The following ITIH1 variants were observed in gnomAD, a reference collection of about 807,000 sequenced individuals.
The protein encoded by ITIH1 is inter-alpha-trypsin inhibitor heavy chain H1.
Under a neutral mutation model 104.6 loss-of-function variants are expected in ITIH1, and 94 were observed. The observed-to-expected ratio is 0.90, with a 90% CI of 0.76 to 1.07. ITIH1 has a LOEUF of 1.07. Ranked by LOEUF, ITIH1 falls within the 50% of genes least tolerant of loss-of-function variation. The pLI is 0.00. For synonymous variants in ITIH1, 455 were observed against 464.4 expected (o/e 0.98, Z 0.26); for missense variants, 1,193 against 1,181.4 (o/e 1.01, Z -0.14).
Position 52,786,430 on chromosome 3 carries a change from A to C in ITIH1, c.1729A>C (p.Lys577Gln). ...AYLTIQELLA[K>Q]RMKVDREERA... is the part of the protein sequence containing the mutation. ...CCTCACCATCCAGGAGCTGCTGGCC[A>C]AGCGGTAGGGCACCTGCAGCTGCCC... The change falls in exon 13 of 22, where the codon AAG becomes CAG. Residue 577 changes from lysine (K) to glutamine (Q), a missense_variant. Coordinates refer to ENST00000273283, the MANE Select transcript of ITIH1 (RefSeq NM_002215.4). 1 of 1,579,712 alleles carries C rather than the reference A, an allele frequency of 6.3e-7. No homozygotes were observed. The highest frequency in any genetic ancestry group is 8.6e-7 in the Non-Finnish European group (1 of 1,162,676).
Position 52,788,056 on chromosome 3 carries a change from A to T in ITIH1, c.1995A>T (p.Arg665=). Residue 665 remains arginine, a synonymous_variant, in exon 17 of 22, where the codon CGA becomes CGT. Coordinates refer to ENST00000273283, the MANE Select transcript of ITIH1 (RefSeq NM_002215.4). ...SSSNTQRLPD[R]VTGVDTDPHF... is the part of the protein sequence containing the mutation. ...CCAATACCCAGCGGCTGCCAGACCG[A>T]GTGACCGGCGGTGAGTCCTTGGAAG... 6.2e-7 allele frequency: 1 copy of T among 1,606,514 alleles called. No homozygotes were observed. The highest frequency in any genetic ancestry group is 8.5e-7 in the Non-Finnish European group (1 of 1,175,860).
intron 15 of ITIH1, among the ~76,000 whole-genome samples, 175 bp from the exon 16 acceptor site, chr3:52,787,417 C>T (rs1445292043): frequency 6.6e-6 from 1 of 152,188 alleles, no homozygotes; most frequent in Non-Finnish European, 1.5e-5. Flanking sequence ...CAGCAGCCTC[C>T]ACTGGTCCCC....
At chr3:52,780,454 G>A (rs1699006670) in intron 6 of ITIH1, 72 bp downstream of exon 6, 3 of 1,059,060 alleles carry the variant, frequency 2.8e-6, no homozygotes, top group African/African-American at 1.6e-5. Context: ...CTTATGGAAT[G>A]TCCAGCCTTA....
chr3:52,781,915 T>G, intron 6 of ITIH1, 25 bp from the exon 7 acceptor site: 1 of 1,613,506 alleles, frequency 6.2e-7, no homozygotes, highest in Non-Finnish European at 8.5e-7. Context: ...AGACCAGTAA[T>G]GGCTCACACT....
At position 52,787,073 on chromosome 3, in the gene ITIH1, A is replaced by G; in HGVS notation, c.1862A>G (p.Lys621Arg). 1 of 1,614,190 alleles carries G rather than the reference A, an allele frequency of 6.2e-7. No homozygotes were observed. The change falls in exon 14 of 22, where the codon AAG becomes AGG. Residue 621 changes from lysine (K) to arginine (R), a missense_variant. Coordinates refer to ENST00000273283, the MANE Select transcript of ITIH1 (RefSeq NM_002215.4). ...IRGMADQDGLKPTIDKPSEDS... is the reference protein window; with the variant it reads ...IRGMADQDGLRPTIDKPSEDS... ...GGCATGGCGGACCAGGACGGCCTGA[A>G]GCCCACCATCGACAAGCCCTCAGAG...
intron 6 of ITIH1, among the ~76,000 whole-genome samples, chr3:52,780,656 G>C (rs530877801): frequency 3.9e-4 from 60 of 152,338 alleles, no homozygotes; most frequent in African/African-American, 1.4e-3. Context: ...TGAGTTGCTG[G>C]CTTGCTTGAG....
At position 52,786,190 on chromosome 3, in the gene ITIH1, C is replaced by T. The variant is rs890381434; in HGVS notation, c.1594-105C>T. On this transcript the variant is annotated intron_variant, in intron 12 of 21. Coordinates refer to ENST00000273283, the MANE Select transcript of ITIH1 (RefSeq NM_002215.4). ...TCAGGGAAGCAGGTGATGCTGAGGA[C>T]GAAGCTGCAGATACCAGACGAAATG... is the stretch of plus-strand genomic sequence containing the variant. 69 of 1,144,408 alleles carry T rather than the reference C, an allele frequency of 6.0e-5. No individual in the cohort carries two copies. The Middle Eastern group carries it at 1.1e-3, about 19-fold the overall frequency. The allele number at this position is 1,144,408 out of a possible 1,614,324, so 70.9% of individuals were successfully genotyped here. A position where few individuals can be genotyped will look rare whatever the true frequency, so the allele number is the denominator to read the frequency against.
In ITIH1 at chr3:52,779,349, C is replaced by T; in HGVS notation, c.411-83C>T. ...AACACTCATCTAAGAGAAATAAATT[C>T]TGTGGGCCACATGTTAGGTGACAAG... On this transcript the variant is annotated intron_variant, in intron 4 of 21. Transcript: ENST00000273283. This position sits in a 1 kb window ranked among gnomAD's most constrained non-coding sequence, Gnocchi z 4.4. The T allele has an allele frequency of 7.1e-7, 1 of 1,409,020 alleles. No homozygotes were observed. The highest frequency in any genetic ancestry group is 1.0e-6 in the Non-Finnish European group (1 of 996,022). The allele number at this position is 1,409,020 out of a possible 1,614,324, so 87.3% of individuals were successfully genotyped here.
chr3:52,787,232 C>T (rs1453131882), intron 15 of ITIH1, 30 bp downstream of exon 15: 1 of 1,613,516 alleles, frequency 6.2e-7, no homozygotes, highest in African/African-American at 1.3e-5. Context: ...AGTTTCAGTT[C>T]TGGGCTTCGG....
chr3:52,784,982 G>A (rs1699161482), intron 11 of ITIH1, 62 bp from the exon 12 acceptor site: 1 of 1,528,058 alleles, frequency 6.5e-7, no homozygotes, highest in Non-Finnish European at 9.0e-7. Context: ...CACTTTGTGG[G>A]CAGGCTTCCC....
At chr3:52,778,612 T>C in intron 3 of ITIH1, 106 bp downstream of exon 3, 1 of 1,543,442 alleles carries the variant, frequency 6.5e-7, no homozygotes, top group Non-Finnish European at 8.7e-7. Context: ...CATCTCCTCA[T>C]TCTAGAAGGG....
chr3:52,789,163 C>T (rs942357105), intron 18 of ITIH1, among the ~76,000 whole-genome samples: 19 of 151,980 alleles, frequency 1.3e-4, no homozygotes, highest in Non-Finnish European at 1.8e-4. Context: ...AAGATAGTCC[C>T]GCTTTCATAG....
chr3:52,790,689 G>A, intron 19 of ITIH1, 60 bp from the exon 20 acceptor site: 1 of 1,554,566 alleles, frequency 6.4e-7, no homozygotes, highest in Non-Finnish European at 8.8e-7. Context: ...GACAAGGGCA[G>A]CTGAATGGAG....
At position 52,781,942 on chromosome 3, in the gene ITIH1, T is replaced by C. The variant is rs750193913; in HGVS notation, c.690T>C (p.Gly230=). 5 of 1,613,980 alleles carry C rather than the reference T, an allele frequency of 3.1e-6. No individual in the cohort carries two copies. The highest frequency in any genetic ancestry group is 4.2e-6 in the Non-Finnish European group (5 of 1,179,986). ...TIKKSFSGKK[G]HVLFRPTVSQ... ...GCTCACACTCTCGACGGTTCCAGGG[T>C]CATGTGCTGTTCCGTCCCACCGTGA... is the stretch of plus-strand genomic sequence containing the variant. Residue 230 remains glycine (G), a splice_region_variant and synonymous_variant, in exon 7 of 22, where the codon GGT becomes GGC. Coordinates refer to ENST00000273283, the MANE Select transcript of ITIH1 (RefSeq NM_002215.4).
rs776505530 is a variant in ITIH1 at position 52,779,677 on chromosome 3, G to T, written c.573+83G>T. The T allele has an allele frequency of 2.0e-5, 30 of 1,500,622 alleles. No homozygotes were observed. The highest frequency in any genetic ancestry group is 2.7e-5 in the Non-Finnish European group (29 of 1,078,232). The allele number at this position is 1,500,622 out of a possible 1,614,324, so 93.0% of individuals were successfully genotyped here. A position where few individuals can be genotyped will look rare whatever the true frequency, so the allele number is the denominator to read the frequency against. ...AACACTGGTTGAGCACCCACCATGT[G>T]TCACCACCCAGGCCTGAGAACACAG... On this transcript the variant is annotated intron_variant, in intron 5 of 21. Transcript: ENST00000273283. This position sits in a 1 kb window ranked among gnomAD's most constrained non-coding sequence, Gnocchi z 4.4.
chr3:52,791,626 C>T lies in ITIH1; in HGVS notation c.2604C>T (p.Thr868=), dbSNP rs751292531. The T allele has an allele frequency of 6.2e-7, 1 of 1,613,790 alleles. No individual in the cohort carries two copies. Among genetic ancestry groups the T allele is most frequent in the Non-Finnish European group, 8.5e-7 (1 of 1,179,868 alleles). ...TGAGGAACCGCCGGCTCACGGTCAC[C>T]AGGTGGGTGGGCTGCTTGCCCAGCA... ...MVVRNRRLTV[T]RGLQKDYSKD... Residue 868 remains threonine, a splice_region_variant and synonymous_variant, in exon 21 of 22, where the codon ACC becomes ACT. Transcript: ENST00000273283.
rs771796825 is a variant in ITIH1 at position 52,787,983 on chromosome 3, CA to C, written c.1925-2del. 1.4e-5 allele frequency: 23 copies of C among 1,613,470 alleles called. No individual in the cohort carries two copies. The highest frequency in any genetic ancestry group is 5.9e-6 in the Non-Finnish European group (7 of 1,179,598). On this transcript the variant is annotated splice_acceptor_variant, in intron 16 of 21. Transcript: ENST00000273283. LOFTEE classifies it high-confidence loss of function. ...TTCTAAATGCCACTCCCCCTCCCATCAGCGTTCGTGCTGTCAGCCTTGCAGC... is the reference window on the plus strand; with the variant it reads ...TTCTAAATGCCACTCCCCCTCCCATCGCGTTCGTGCTGTCAGCCTTGCAGC...
In ITIH1 at chr3:52,779,698, C is replaced by T; in HGVS notation, c.573+104C>T. The stretch of plus-strand genomic sequence containing the variant: ...ATGTGTCACCACCCAGGCCTGAGAA[C>T]ACAGGGATGGGGACTAACCCCTCAG... On this transcript the variant is annotated intron_variant, in intron 5 of 21. Coordinates refer to ENST00000273283, the MANE Select transcript of ITIH1 (RefSeq NM_002215.4). This position sits in a 1 kb window ranked among gnomAD's most constrained non-coding sequence, Gnocchi z 4.4. The T allele has an allele frequency of 7.3e-7, 1 of 1,378,590 alleles. No individual in the cohort carries two copies. The highest frequency in any genetic ancestry group is 1.2e-5 in the South Asian group (1 of 85,270). The allele number at this position is 1,378,590 out of a possible 1,614,324, so 85.4% of individuals were successfully genotyped here.
Position 52,779,697 on chromosome 3 carries a change from A to C in ITIH1, c.573+103A>C. The C allele has an allele frequency of 7.3e-7, 1 of 1,370,222 alleles. No homozygotes were observed. 84.9% of individuals were successfully genotyped at this position (1,370,222 alleles called of 1,614,324 possible). A position where few individuals can be genotyped will look rare whatever the true frequency, so the allele number is the denominator to read the frequency against. ...CATGTGTCACCACCCAGGCCTGAGAACACAGGGATGGGGACTAACCCCTCA... is the reference window on the plus strand; with the variant it reads ...CATGTGTCACCACCCAGGCCTGAGACCACAGGGATGGGGACTAACCCCTCA... On this transcript the variant is annotated intron_variant, in intron 5 of 21. Transcript: ENST00000273283. The surrounding 1 kb of genome is among the most constrained non-coding windows in gnomAD (Gnocchi z 4.4).
Sources: gnomAD v4.1 joint callset for allele counts (sites outside exome capture counted in the v4.1 genomes callset) on GRCh38, gnomAD v4.1.1 for gene constraint, Gnocchi (gnomAD v3.1) non-coding constraint, MANE v1.5 for transcripts, NCBI Gene and HGNC (gene_info 2026-07-23, HGNC 2026-07-21) for gene names.